Variants in SLCO1A2 observed in about 807,000 individuals in gnomAD.
SLCO1A2 encodes OATP-1.
In SLCO1A2, 67 loss-of-function variants were observed where a neutral mutation model predicts 69.0. That is an observed-to-expected ratio of 0.97 (90% confidence interval 0.80 to 1.19). The LOEUF is 1.19. Among genes scored for constraint, SLCO1A2 ranks in the 50% most tolerant of loss-of-function variants. SLCO1A2 has a pLI of 0.00. For missense variants in SLCO1A2, 787 were observed against 793.7 expected (o/e 0.99, Z 0.10); for synonymous variants, 260 against 265.9 (o/e 0.98, Z 0.22).
chr12:21,380,973 C>T (rs941046662), intron 1 of SLCO1A2, among the ~76,000 whole-genome samples: 3 of 147,606 alleles, frequency 2.0e-5, no homozygotes, highest in African/African-American at 7.5e-5. Context: ...AATAACTGGT[C>T]GTAGCCAGCA....
chr12:21,290,313 A>G (rs1489015332), intron 12 of SLCO1A2, among the ~76,000 whole-genome samples: 1 of 152,174 alleles, frequency 6.6e-6, no homozygotes, highest in Non-Finnish European at 1.5e-5. Context: ...TTATGAAGAT[A>G]TAAAGATCCA....
chr12:21,318,840 C>T lies in SLCO1A2; in HGVS notation c.144G>A (p.Glu48=). 6.2e-7 allele frequency: 1 copy of T among 1,611,612 alleles called. No homozygotes were observed. The highest frequency in any genetic ancestry group is 1.3e-5 in the African/African-American group (1 of 74,958). ...GAGATGTTGGGATGTTGAATTGTCT[C>T]TCTATTTGTGTGAGCATGGAATTCA... is the stretch of plus-strand genomic sequence containing the variant. ...SYMNSMLTQI[E]RQFNIPTSLV... Residue 48 remains glutamate, a synonymous_variant, in exon 3 of 15, where the codon GAG becomes GAA. Coordinates refer to ENST00000683939, the MANE Select transcript of SLCO1A2 (RefSeq NM_001386879.1).
At chr12:21,275,554 T>C in intron 12 of SLCO1A2, 130 bp from the exon 13 acceptor site, 1 of 971,988 alleles carries the variant, frequency 1.0e-6, no homozygotes, top group Non-Finnish European at 1.4e-6. Context: ...TGCTCACTTA[T>C]TGGTTATTCA....
chr12:21,327,352 CAG>C (rs1304762127), intron 2 of SLCO1A2, among the ~76,000 whole-genome samples: 1 of 152,172 alleles, frequency 6.6e-6, no homozygotes, highest in African/African-American at 2.4e-5. Flanking sequence ...AGCCCCCACA[CAG>C]AGTCTCCACT....
At chr12:21,282,119 G>GAAA (rs377032786) in intron 12 of SLCO1A2, among the ~76,000 whole-genome samples, 11 of 116,782 alleles carry the variant, frequency 9.4e-5, no homozygotes, top group African/African-American at 3.0e-4. Context: ...AGACACATAA[G>GAAA]AAAAAAAAAA....
At chr12:21,328,117 G>A (rs974285383) in intron 2 of SLCO1A2, among the ~76,000 whole-genome samples, 35 of 152,304 alleles carry the variant, frequency 2.3e-4, no homozygotes, top group Non-Finnish European at 4.7e-4. Flanking sequence ...CACCGTGTAA[G>A]ATATGCCTTT....
At chr12:21,417,463 G>A (rs779836777) in intron 1 of SLCO1A2, among the ~76,000 whole-genome samples, 18 of 147,548 alleles carry the variant, frequency 1.2e-4, no homozygotes, top group Admixed American at 9.6e-4. Context: ...GCAGAAGGCC[G>A]TTACTTAGAT....
chr12:21,381,824 A>G (rs770475467), intron 1 of SLCO1A2, among the ~76,000 whole-genome samples: 19 of 152,192 alleles, frequency 1.2e-4, no homozygotes, highest in Admixed American at 3.3e-4. Flanking sequence ...AAGTAGAAAA[A>G]CAATAGATAT....
chr12:21,377,283 C>G (rs1031821158), intron 1 of SLCO1A2, among the ~76,000 whole-genome samples: 1 of 152,166 alleles, frequency 6.6e-6, no homozygotes, highest in Non-Finnish European at 1.5e-5. Context: ...ATAAAACTCT[C>G]ACACTGCAAT....
At chr12:21,292,518 T>C (rs1266531069) in intron 11 of SLCO1A2, among the ~76,000 whole-genome samples, 182 bp from the exon 12 acceptor site, 1 of 152,198 alleles carries the variant, frequency 6.6e-6, no homozygotes, top group Non-Finnish European at 1.5e-5. Context: ...AGAAAAACGG[T>C]ATATTTTTCT....
rs761787824 is a variant in SLCO1A2, at chr12:21,306,938, CTGTT to C, written c.382_385del (p.Asn128ValfsTer12). Reference sequence around the variant, plus strand: ...GGTTCCATTTTCCATACACAAGAAACTGTTTGAGGACAAGTTGCCTGAAACTGAA... The same window carrying C: ...GGTTCCATTTTCCATACACAAGAAACTGAGGACAAGTTGCCTGAAACTGAA... On this transcript the variant is annotated frameshift_variant, in exon 5 of 15. Transcript: ENST00000683939. LOFTEE classifies it high-confidence loss of function. The C allele has an allele frequency of 1.8e-4, 293 of 1,613,928 alleles. No individual in the cohort carries two copies. The highest frequency in any genetic ancestry group is 1.9e-4 in the Non-Finnish European group (228 of 1,179,892).
At chr12:21,397,250 C>T (rs566511608), upstream of SLCO1A2, among the ~76,000 whole-genome samples, 1 of 150,010 alleles carries the variant, frequency 6.7e-6, no homozygotes, top group African/African-American at 2.4e-5. Flanking sequence ...AGACTTTAAA[C>T]CAACAAAGAT....
intron 1 of SLCO1A2, among the ~76,000 whole-genome samples, chr12:21,376,950 A>C (rs1345320047): frequency 6.6e-6 from 1 of 152,192 alleles, no homozygotes; most frequent in Non-Finnish European, 1.5e-5. Context: ...AAGAGGAAGC[A>C]ATGTTATTAT....
At chr12:21,354,269 GA>G in intron 2 of SLCO1A2, among the ~76,000 whole-genome samples, 1 of 152,230 alleles carries the variant, frequency 6.6e-6, no homozygotes, top group Non-Finnish European at 1.5e-5. Flanking sequence ...GGTGGCTACT[GA>G]AAAATCAACA....
rs368924931 is a variant in SLCO1A2, at chr12:21,292,252, A to T, written c.1522T>A (p.Leu508Met). Residue 508 changes from leucine to methionine, a missense_variant, in exon 12 of 15, where the codon TTG (leucine) becomes ATG (methionine). Transcript: ENST00000683939. ...GLCDKGPDCS[L>M]MLQYFLILSA... is the part of the protein sequence containing the mutation. Reference sequence around the variant, plus strand: ...AAGATTAGGAAGTACTGGAGCATCAAGGAACAGTCAGGTCCTTTGTCGCAC... The same window carrying T: ...AAGATTAGGAAGTACTGGAGCATCATGGAACAGTCAGGTCCTTTGTCGCAC... 2 of 1,613,274 alleles carry T rather than the reference A, an allele frequency of 1.2e-6. No individual in the cohort carries two copies. The highest frequency in any genetic ancestry group is 1.7e-6 in the Non-Finnish European group (2 of 1,179,392).
upstream of SLCO1A2, among the ~76,000 whole-genome samples, chr12:21,418,686 C>T (rs1042639296): frequency 3.9e-5 from 6 of 152,096 alleles, no homozygotes; most frequent in Non-Finnish European, 8.8e-5. Context: ...CACCGGGTCC[C>T]TCCAACAACG....
At chr12:21,329,996 C>T (rs1952503120) in intron 2 of SLCO1A2, among the ~76,000 whole-genome samples, 1 of 151,946 alleles carries the variant, frequency 6.6e-6, no homozygotes, top group African/African-American at 2.4e-5. Flanking sequence ...TAAAAGGCAT[C>T]TTTGGTAGCT....
intron 2 of SLCO1A2, among the ~76,000 whole-genome samples, chr12:21,327,356 G>A (rs1337507255): frequency 1.3e-5 from 2 of 152,166 alleles, no homozygotes; most frequent in African/African-American, 4.8e-5. Flanking sequence ...CCCACACAGA[G>A]TCTCCACTGG....
intron 4 of SLCO1A2, among the ~76,000 whole-genome samples, chr12:21,310,519 A>T (rs1949986725): frequency 1.3e-5 from 2 of 152,206 alleles, no homozygotes; most frequent in Admixed American, 6.5e-5. Context: ...AAATTTCTTA[A>T]AATAAGACAG....
Sources: gnomAD v4.1 joint callset for allele counts (sites outside exome capture counted in the v4.1 genomes callset) on GRCh38, gnomAD v4.1.1 for gene constraint, MANE v1.5 for transcripts, NCBI Gene and HGNC (gene_info 2026-07-23, HGNC 2026-07-21) for gene names.